The following SDK2 variants were observed in gnomAD, a reference collection of about 807,000 sequenced individuals.
SDK2 encodes the protein protein sidekick-2.
In SDK2, 105 loss-of-function variants were observed where a neutral mutation model predicts 253.9. The ratio of observed to expected loss-of-function variants is 0.41; its 90% CI spans 0.35 to 0.49. The LOEUF is 0.49. Ranked by LOEUF, SDK2 falls within the 20% of genes least tolerant of loss-of-function variation. SDK2 has a pLI of 0.06. For missense variants in SDK2, 2,608 were observed against 3,003.0 expected, an observed-to-expected ratio of 0.87 and a Z score of 3.07; for synonymous variants, 1,249 against 1,234.9, an observed-to-expected ratio of 1.01 and a Z score of -0.24.
intron 8 of SDK2, among the ~76,000 whole-genome samples, chr17:73,437,522 C>A (rs560172816): frequency 1.1e-4 from 17 of 152,174 alleles, no homozygotes; most frequent in African/African-American, 4.1e-4. Context: ...CATTTGTAAC[C>A]CTCAAGTTTT....
chr17:73,430,803 T>A (rs954246627), intron 11 of SDK2, among the ~76,000 whole-genome samples, 190 bp from the exon 12 acceptor site: 4 of 152,220 alleles, frequency 2.6e-5, no homozygotes, highest in Non-Finnish European at 5.9e-5. Context: ...ATGTATGGGA[T>A]GGAGAGACCA....
chr17:73,411,765 C>G (rs2063127302), intron 18 of SDK2, among the ~76,000 whole-genome samples: 1 of 147,154 alleles, frequency 6.8e-6, no homozygotes, highest in Non-Finnish European at 1.5e-5. Flanking sequence ...AGCAAATGTA[C>G]TACTACTACT....
At chr17:73,375,230 CTTTTTTTTTTTTTTTTTTTT>C (rs33992958) in intron 36 of SDK2, among the ~76,000 whole-genome samples, 1 of 58,578 alleles carries the variant, frequency 1.7e-5, no homozygotes, top group African/African-American at 7.1e-5. Context: ...TCCTAACAAC[CTTTTTTTTTTTTTTTTTTTT>C]TTTTTTTTTT....
At chr17:73,433,882 C>A (rs1343111324) in intron 9 of SDK2, 34 bp from the exon 10 acceptor site, 5 of 1,413,828 alleles carry the variant, frequency 3.5e-6, no homozygotes, top group Non-Finnish European at 4.7e-6. Flanking sequence ...TTTAGCCACA[C>A]CCTGGGAGAT....
At position 73,592,174 on chromosome 17, in the gene SDK2, C is replaced by T. The variant is rs549097868; in HGVS notation, c.64+51851G>A. Among the ~76,000 whole-genome samples, 11 of 152,344 alleles carry T rather than the reference C, an allele frequency of 7.2e-5. No homozygotes were observed. In the South Asian group the frequency reaches 2.3e-3, roughly 32 times the overall value. On this transcript the variant is annotated intron_variant, in intron 1 of 44. Coordinates refer to ENST00000392650, the MANE Select transcript of SDK2 (RefSeq NM_001144952.2). ...GCACCACAGAAAAAGGAAGGTAAAT[C>T]CACAACTGGAAGAAAGCATCATGGG...
intron 2 of SDK2, among the ~76,000 whole-genome samples, chr17:73,502,971 C>G (rs1341824013): frequency 6.6e-6 from 1 of 152,178 alleles, no homozygotes; most frequent in Non-Finnish European, 1.5e-5. Context: ...TGTGAAGCAT[C>G]AAAGACACAT....
At chr17:73,418,010 G>GTTT (rs397689294) in intron 16 of SDK2, among the ~76,000 whole-genome samples, 3,032 of 128,208 alleles carry the variant, frequency 0.024, 159 homozygotes, top group African/African-American at 0.074. Context: ...TCCTAGATGA[G>GTTT]TTTTTTTTTT....
chr17:73,469,817 T>C (rs1456698089), intron 3 of SDK2, among the ~76,000 whole-genome samples: 2 of 152,126 alleles, frequency 1.3e-5, no homozygotes, highest in Non-Finnish European at 2.9e-5. Context: ...TCCTTTCTCT[T>C]TTTGATTGGC....
chr17:73,408,425 C>G (rs905839199), intron 18 of SDK2, among the ~76,000 whole-genome samples: 2 of 151,496 alleles, frequency 1.3e-5, no homozygotes, highest in East Asian at 3.9e-4. Flanking sequence ...GGGGTTTCAC[C>G]GTGTTAGCCA....
Position 73,423,978 on chromosome 17 carries a change from C to A in SDK2, c.1698G>T (p.Thr566=). 6.2e-7 allele frequency: 1 copy of A among 1,608,284 alleles called. No individual in the cohort carries two copies. The highest frequency in any genetic ancestry group is 8.5e-7 in the Non-Finnish European group (1 of 1,177,794). Residue 566 remains threonine (T), a synonymous_variant, in exon 13 of 45, where the codon ACG becomes ACT. Coordinates refer to ENST00000392650, the MANE Select transcript of SDK2 (RefSeq NM_001144952.2). ...ISQTWSGDIG[T]YTCRVISAGG... is the part of the protein sequence containing the mutation. ...CTGCTGAGATCACCCGGCAGGTGTA[C>A]GTGCCGATGTCTCCCGACCACGTCT...
At chr17:73,505,907 A>C (rs1324504355) in intron 2 of SDK2, among the ~76,000 whole-genome samples, 1 of 152,170 alleles carries the variant, frequency 6.6e-6, no homozygotes, top group Non-Finnish European at 1.5e-5. Context: ...GCCATTCCAC[A>C]TGGTCCTTCC....
chr17:73,541,085 G>A lies in SDK2; in HGVS notation c.65-33488C>T, dbSNP rs893584024. On this transcript the variant is annotated intron_variant, in intron 1 of 44. Transcript: ENST00000392650. This position sits in a 1 kb window ranked among gnomAD's most constrained non-coding sequence, Gnocchi z 4.3. ...TGAGAGTAGGTGTCTGCCAGTGTCT[G>A]CCCAGCCCCTAACATGGGGCACCCC... 6.6e-6 allele frequency among the ~76,000 whole-genome samples: 1 copy of A among 152,222 alleles called. No homozygotes were observed. The highest frequency in any genetic ancestry group is 2.4e-5 in the African/African-American group (1 of 41,466).
At chr17:73,544,888 G>C (rs966223103) in intron 1 of SDK2, among the ~76,000 whole-genome samples, 3 of 152,134 alleles carry the variant, frequency 2.0e-5, no homozygotes, top group Non-Finnish European at 4.4e-5. Flanking sequence ...ACCATCAGGA[G>C]TGAATTACAG....
chr17:73,522,193 G>C (rs1300080778), intron 1 of SDK2, among the ~76,000 whole-genome samples: 5 of 152,274 alleles, frequency 3.3e-5, no homozygotes, highest in Admixed American at 6.5e-5. Context: ...GCCCCGGAGA[G>C]AGAAGGCAGG....
At chr17:73,468,876 G>A (rs1376794494) in intron 3 of SDK2, among the ~76,000 whole-genome samples, 1 of 151,942 alleles carries the variant, frequency 6.6e-6, no homozygotes, top group African/African-American at 2.4e-5. Context: ...CCAGGCTGGA[G>A]TGCAGTGGCA....
At position 73,447,919 on chromosome 17, in the gene SDK2, G is replaced by A. The variant is rs1368713931; in HGVS notation, c.480-171C>T. ...CCTCTTACTGCCTACATCCCGCCAC[G>A]TTTAGTTTGCAGAGAATGCTAAACA... is the stretch of plus-strand genomic sequence containing the variant. On this transcript the variant is annotated intron_variant, in intron 4 of 44. Coordinates refer to ENST00000392650, the MANE Select transcript of SDK2 (RefSeq NM_001144952.2). This position sits in a 1 kb window ranked among gnomAD's most constrained non-coding sequence, Gnocchi z 4.0. Among the ~76,000 whole-genome samples, 4 of 151,518 alleles carry A rather than the reference G, an allele frequency of 2.6e-5. No individual in the cohort carries two copies. The highest frequency in any genetic ancestry group is 4.4e-5 in the Non-Finnish European group (3 of 67,914).
intron 1 of SDK2, among the ~76,000 whole-genome samples, chr17:73,617,615 T>C (rs1432521909): frequency 6.6e-6 from 1 of 152,108 alleles, no homozygotes; most frequent in African/African-American, 2.4e-5. Flanking sequence ...GTCCCAGCTA[T>C]TTGCGTTCTC....
intron 1 of SDK2, among the ~76,000 whole-genome samples, chr17:73,539,816 C>T (rs1258822845): frequency 6.6e-6 from 1 of 151,226 alleles, no homozygotes; most frequent in Non-Finnish European, 1.5e-5. Flanking sequence ...CAGAGACACA[C>T]GGGGGGAATG....
At chr17:73,445,433 G>T (rs2063446407) in intron 5 of SDK2, among the ~76,000 whole-genome samples, 1 of 152,210 alleles carries the variant, frequency 6.6e-6, no homozygotes, top group Non-Finnish European at 1.5e-5. Flanking sequence ...GTTTTCAGGA[G>T]CTGTGACAGT....
Sources: allele counts gnomAD v4.1 joint callset (sites outside exome capture counted in the v4.1 genomes callset), GRCh38; gene constraint gnomAD v4.1.1; non-coding constraint Gnocchi (gnomAD v3.1); transcripts MANE v1.5; gene names NCBI Gene and HGNC (gene_info 2026-07-23, HGNC 2026-07-21).